SLC14A2: variants seen among roughly 807,000 people sequenced by gnomAD.
SLC14A2 encodes urea transporter 2.
A neutral mutation model predicts 104.6 loss-of-function variants in SLC14A2; 91 were observed. The observed-to-expected ratio is 0.87, with a 90% CI of 0.73 to 1.04. The LOEUF (loss-of-function observed/expected upper bound fraction) is 1.04, where lower values mean the gene tolerates loss of function less well. SLC14A2 is among the 50% of genes least tolerant of loss of function. The pLI, the probability that SLC14A2 is intolerant of heterozygous loss-of-function variation, is 0.00. For missense variants in SLC14A2, 1,189 were observed against 1,156.0 expected (o/e 1.03, Z -0.41); for synonymous variants, 476 against 466.4 (o/e 1.02, Z -0.27).
chr18:45,374,632 G>A (rs976406131), intron 1 of SLC14A2, among the ~76,000 whole-genome samples: 1 of 150,276 alleles, frequency 6.7e-6, no homozygotes, highest in Non-Finnish European at 1.5e-5. Flanking sequence ...GCAAAACTAA[G>A]ATCACAAGCC....
chr18:45,535,071 C>T (rs113958882), intron 2 of SLC14A2, among the ~76,000 whole-genome samples: 2 of 152,290 alleles, frequency 1.3e-5, no homozygotes, highest in African/African-American at 4.8e-5. Flanking sequence ...ATACCTGATC[C>T]TTTGTGAAGA....
intron 1 of SLC14A2, among the ~76,000 whole-genome samples, chr18:45,321,773 C>T (rs1288916705): frequency 6.6e-6 from 1 of 152,220 alleles, no homozygotes; most frequent in Admixed American, 6.5e-5. Context: ...ACCGAGCAGT[C>T]ATCCACTATT....
chr18:45,419,095 G>C (rs1598782586), intron 1 of SLC14A2, among the ~76,000 whole-genome samples: 1 of 152,348 alleles, frequency 6.6e-6, no homozygotes, highest in African/African-American at 2.4e-5. Context: ...AAATGTTTCT[G>C]ACCAGTGCTC....
intron 1 of SLC14A2, among the ~76,000 whole-genome samples, chr18:45,256,917 G>A (rs573999838): frequency 6.6e-5 from 10 of 152,352 alleles, no homozygotes; most frequent in African/African-American, 2.2e-4. Context: ...TTAGGCTGGG[G>A]CTCATGGTCA....
intron 1 of SLC14A2, among the ~76,000 whole-genome samples, chr18:45,442,642 A>T (rs2086698939): frequency 6.6e-6 from 1 of 152,170 alleles, no homozygotes; most frequent in African/African-American, 2.4e-5. Flanking sequence ...ATAAGATTAT[A>T]CTCTAATATA....
chr18:45,233,527 C>G (rs1183202908), intron 1 of SLC14A2, among the ~76,000 whole-genome samples: 1 of 152,072 alleles, frequency 6.6e-6, no homozygotes, highest in Non-Finnish European at 1.5e-5. Flanking sequence ...TGCCCGGGCT[C>G]CCTCCTGCGT....
At chr18:45,570,499 C>G (rs1316400153) in intron 2 of SLC14A2, among the ~76,000 whole-genome samples, 1 of 152,246 alleles carries the variant, frequency 6.6e-6, no homozygotes, top group East Asian at 1.9e-4. Context: ...GCTGCAGGCA[C>G]TGAGTCCATT....
chr18:45,608,530 C>T (rs903980105), intron 2 of SLC14A2, among the ~76,000 whole-genome samples: 1 of 152,220 alleles, frequency 6.6e-6, no homozygotes, highest in East Asian at 1.9e-4. Context: ...TTTTGCTCAT[C>T]AACACTCACC....
intron 1 of SLC14A2, among the ~76,000 whole-genome samples, chr18:45,219,383 A>G (rs2084040412): frequency 6.6e-6 from 1 of 152,218 alleles, no homozygotes; most frequent in Non-Finnish European, 1.5e-5. Flanking sequence ...CTTTTGCTGT[A>G]TGGAGCAAGT....
chr18:45,198,040 G>C, the SLC14A2 span, among the ~76,000 whole-genome samples: 22 of 152,128 alleles, frequency 1.4e-4, no homozygotes, highest in Admixed American at 1.3e-3. Context: ...AGAATATCTA[G>C]AATATTGGTA....
At chr18:45,590,195 C>T (rs915137737) in intron 2 of SLC14A2, among the ~76,000 whole-genome samples, 5 of 152,158 alleles carry the variant, frequency 3.3e-5, no homozygotes, top group Non-Finnish European at 7.3e-5. Flanking sequence ...AGTTTGAAAA[C>T]CCAGAGTTCC....
chr18:45,249,094 A>G (rs1178051217), intron 1 of SLC14A2, among the ~76,000 whole-genome samples: 2 of 152,238 alleles, frequency 1.3e-5, no homozygotes, highest in Non-Finnish European at 2.9e-5. Context: ...GCACAGGACT[A>G]CATATACACA....
chr18:45,471,882 G>GTTT (rs34725885), intron 1 of SLC14A2, among the ~76,000 whole-genome samples: 42 of 151,526 alleles, frequency 2.8e-4, no homozygotes, highest in African/African-American at 4.8e-4. Context: ...GTCTATAATA[G>GTTT]TTTTTTTTAT....
chr18:45,541,224 TGC>T (rs1052501461), intron 2 of SLC14A2, among the ~76,000 whole-genome samples: 3 of 152,202 alleles, frequency 2.0e-5, no homozygotes, highest in Non-Finnish European at 4.4e-5. Context: ...TGTGTGTGTG[TGC>T]ACACGTGTGC....
At chr18:45,440,303 C>G (rs2144579283) in intron 1 of SLC14A2, 1 of 151,920 alleles carries the variant, frequency 6.6e-6, no homozygotes, top group South Asian at 2.1e-4. Flanking sequence ...ATACAGAGAA[C>G]CCCATGTGGC....
chr18:45,491,438 T>A (rs1330875912), intron 2 of SLC14A2, among the ~76,000 whole-genome samples: 1 of 152,178 alleles, frequency 6.6e-6, no homozygotes, highest in Non-Finnish European at 1.5e-5. Flanking sequence ...ACAGAATGCA[T>A]GCAAGTTCAA....
Position 45,660,965 on chromosome 18 carries a change from C to T in SLC14A2, c.1352-2820C>T, listed in dbSNP as rs117452312. Among the ~76,000 whole-genome samples, 951 of 152,332 alleles carry T rather than the reference C, an allele frequency of 6.2e-3. 2 individuals carry two copies. Among genetic ancestry groups the T allele is most frequent in the Non-Finnish European group, 0.012 (784 of 68,026 alleles). On this transcript the variant is annotated intron_variant, in intron 10 of 19. Coordinates refer to ENST00000255226, the MANE Select transcript of SLC14A2 (RefSeq NM_007163.4). Reference sequence around the variant, plus strand: ...CATTCTCAACTCTTGGCTGCCACATCGTGAGGAGCTGCTGCCCTCCCTGGG... The same window carrying T: ...CATTCTCAACTCTTGGCTGCCACATTGTGAGGAGCTGCTGCCCTCCCTGGG...
the SLC14A2 span, among the ~76,000 whole-genome samples, chr18:45,185,044 G>A: frequency 1.3e-5 from 2 of 152,186 alleles, no homozygotes; most frequent in African/African-American, 4.8e-5. Context: ...GTAGGAGTGA[G>A]GAAAAGTGAG....
intron 2 of SLC14A2, among the ~76,000 whole-genome samples, chr18:45,545,452 G>T (rs1202466711): frequency 6.6e-6 from 1 of 152,182 alleles, no homozygotes; most frequent in East Asian, 1.9e-4. Context: ...AAGTGAAATA[G>T]TTCTTGTCCT....
Sources: gnomAD v4.1 joint callset for allele counts (sites outside exome capture counted in the v4.1 genomes callset) on GRCh38, gnomAD v4.1.1 for gene constraint, MANE v1.5 for transcripts, NCBI Gene and HGNC (gene_info 2026-07-23, HGNC 2026-07-21) for gene names.